Variants in ENTHD1 observed in about 807,000 individuals in gnomAD.
ENTHD1 encodes ENTH domain containing 1.
ENTHD1 carries 23 observed loss-of-function variants against 39.1 expected under a neutral mutation model. That is an observed-to-expected ratio of 0.59 (90% CI 0.42 to 0.83). The LOEUF is 0.83. ENTHD1 is among the 40% of genes least tolerant of loss of function. ENTHD1 has a pLI of 0.00. For synonymous variants in ENTHD1, 230 were observed against 258.2 expected (o/e 0.89, Z 1.05); for missense variants, 624 against 705.4 (o/e 0.88, Z 1.31).
intron 5 of ENTHD1, among the ~76,000 whole-genome samples, chr22:39,796,284 C>G (rs1214158938): frequency 6.6e-6 from 1 of 151,190 alleles, no homozygotes; most frequent in African/African-American, 2.4e-5. Flanking sequence ...TTTCTTTTTC[C>G]TTTTTTGAGA....
intron 1 of ENTHD1, among the ~76,000 whole-genome samples, chr22:39,892,769 T>C (rs573841391): frequency 6.6e-6 from 1 of 152,304 alleles, no homozygotes; most frequent in East Asian, 1.9e-4. Flanking sequence ...GCTCTTGTGT[T>C]TGTACAGGTT....
At chr22:39,751,219 C>A in intron 6 of ENTHD1, 1 of 154,326 alleles carries the variant, frequency 6.5e-6, no homozygotes, top group South Asian at 1.9e-4. Flanking sequence ...TCACATTTCT[C>A]AGTCAGAAGG....
chr22:39,794,857 G>A (rs1478612928), intron 5 of ENTHD1, among the ~76,000 whole-genome samples: 1 of 151,878 alleles, frequency 6.6e-6, no homozygotes, highest in Non-Finnish European at 1.5e-5. Flanking sequence ...TTAGAGGAAA[G>A]GCTTTTATCT....
At chr22:39,765,778 C>G (rs2065271792) in intron 5 of ENTHD1, among the ~76,000 whole-genome samples, 169 bp from the exon 6 acceptor site, 4 of 151,966 alleles carry the variant, frequency 2.6e-5, no homozygotes, top group Non-Finnish European at 4.4e-5. Context: ...ATTTAAAGTA[C>G]ACCCAAGCTA....
chr22:39,855,628 A>T (rs933737302), intron 3 of ENTHD1, among the ~76,000 whole-genome samples: 4 of 151,742 alleles, frequency 2.6e-5, no homozygotes, highest in African/African-American at 9.6e-5. Flanking sequence ...AAGGGAAGAG[A>T]CATTCATATT....
At chr22:39,805,307 A>C (rs1022488985) in intron 5 of ENTHD1, among the ~76,000 whole-genome samples, 51 of 152,282 alleles carry the variant, frequency 3.3e-4, no homozygotes, top group African/African-American at 1.2e-3. Flanking sequence ...AATAGAACGG[A>C]AGTAGGAGTT....
At chr22:39,747,390 T>TG (rs1270983825) in intron 6 of ENTHD1, among the ~76,000 whole-genome samples, 1 of 152,214 alleles carries the variant, frequency 6.6e-6, no homozygotes, top group Non-Finnish European at 1.5e-5. Flanking sequence ...CTAAAAATCT[T>TG]TCCCAAGACC....
chr22:39,784,577 C>T (rs1317258990), intron 5 of ENTHD1, among the ~76,000 whole-genome samples: 1 of 151,538 alleles, frequency 6.6e-6, no homozygotes, highest in Non-Finnish European at 1.5e-5. Context: ...CACACACACA[C>T]ACACACTAGA....
intron 5 of ENTHD1, among the ~76,000 whole-genome samples, chr22:39,778,022 A>G (rs997989931): frequency 2.0e-5 from 3 of 152,234 alleles, no homozygotes; most frequent in African/African-American, 7.2e-5. Flanking sequence ...TCAGGCAATG[A>G]CAATAAAACC....
At position 39,744,158 on chromosome 22, in the gene ENTHD1, G is replaced by C; in HGVS notation, c.1345C>G (p.Leu449Val). The part of the protein sequence containing the change: ...PILAGPSFWT[L>V]SHQQLSSTSF... ...GTAGAAGACAACTGTTGATGGGACAGAGTCCAGAAGGAAGGTCCGGCCAGA... is the reference window on the plus strand; with the variant it reads ...GTAGAAGACAACTGTTGATGGGACACAGTCCAGAAGGAAGGTCCGGCCAGA... Residue 449 changes from leucine (L) to valine (V), a missense_variant, in exon 7 of 7, where the codon CTG (leucine) becomes GTG (valine). By Grantham distance (32) the Leu-to-Val change is conservative. Coordinates refer to ENST00000325157, the MANE Select transcript of ENTHD1 (RefSeq NM_152512.4). 6.2e-7 allele frequency: 1 copy of C among 1,614,146 alleles called. No individual in the cohort carries two copies. Among genetic ancestry groups the C allele is most frequent in the Non-Finnish European group, 8.5e-7 (1 of 1,180,004 alleles).
At position 39,861,754 on chromosome 22, in the gene ENTHD1, A is replaced by G. The variant is rs768144453; in HGVS notation, c.592+11T>C. 4 of 1,491,972 alleles carry G rather than the reference A, an allele frequency of 2.7e-6. No individual in the cohort carries two copies. In the East Asian group the frequency reaches 9.3e-5, roughly 35 times the overall value. The allele number at this position is 1,491,972 out of a possible 1,614,324, so 92.4% of individuals were successfully genotyped here. A position where few individuals can be genotyped will look rare whatever the true frequency, so the allele number is the denominator to read the frequency against. ...CCTGTTGCATTTTAGGCCAATGTTC[A>G]TTATACGTACTTTTATTATGTAACC... On this transcript the variant is annotated intron_variant, in intron 3 of 6. Transcript: ENST00000325157.
At chr22:39,888,984 T>C (rs2146782524) in intron 1 of ENTHD1, among the ~76,000 whole-genome samples, 1 of 152,276 alleles carries the variant, frequency 6.6e-6, no homozygotes, top group Non-Finnish European at 1.5e-5. Flanking sequence ...GAGAATCAGA[T>C]CTAAATATAG....
rs577392801 is a variant in ENTHD1 at position 39,850,211 on chromosome 22, T to C, written c.592+11554A>G. On this transcript the variant is annotated intron_variant, in intron 3 of 6. Coordinates refer to ENST00000325157, the MANE Select transcript of ENTHD1 (RefSeq NM_152512.4). ...GATGGTAGATATTTCAATTTATTCC[T>C]GTAGTTCTACCAACTTTTGCTTTAT... Among the ~76,000 whole-genome samples, 4 of 152,334 alleles carry C rather than the reference T, an allele frequency of 2.6e-5. No homozygotes were observed. In the East Asian group the frequency reaches 7.7e-4, roughly 29 times the overall value.
At chr22:39,778,355 G>A (rs749361195) in intron 5 of ENTHD1, among the ~76,000 whole-genome samples, 1 of 152,164 alleles carries the variant, frequency 6.6e-6, no homozygotes, top group Non-Finnish European at 1.5e-5. Flanking sequence ...TTGAGATCAA[G>A]AGAACTGGTA....
At chr22:39,833,941 C>CAAAA (rs59299623) in intron 4 of ENTHD1, among the ~76,000 whole-genome samples, 1 of 117,934 alleles carries the variant, frequency 8.5e-6, no homozygotes, top group Non-Finnish European at 1.7e-5. Flanking sequence ...TATACTTGGG[C>CAAAA]AAAAAAAAAA....
intron 2 of ENTHD1, among the ~76,000 whole-genome samples, chr22:39,884,546 GA>G (rs1477913245): frequency 6.9e-6 from 1 of 144,606 alleles, no homozygotes; most frequent in Non-Finnish European, 1.5e-5. Flanking sequence ...AAGAGACTCA[GA>G]ATAGAAAAAA....
At chr22:39,825,690 G>A (rs551916853) in intron 4 of ENTHD1, among the ~76,000 whole-genome samples, 2 of 151,702 alleles carry the variant, frequency 1.3e-5, no homozygotes, top group Non-Finnish European at 2.9e-5. Context: ...ATTTGTCAAA[G>A]TTATAAAGTT....
intron 4 of ENTHD1, among the ~76,000 whole-genome samples, chr22:39,821,487 A>G (rs1601617974): frequency 6.6e-6 from 1 of 152,216 alleles, no homozygotes; most frequent in African/African-American, 2.4e-5. Flanking sequence ...TTAACTTTTT[A>G]TCACCAAGTA....
intron 3 of ENTHD1, among the ~76,000 whole-genome samples, chr22:39,857,948 G>T (rs996006024): frequency 7.2e-5 from 11 of 152,182 alleles, no homozygotes; most frequent in Non-Finnish European, 1.2e-4. Context: ...GCTGCTGATA[G>T]ATCAGGGTGG....
Sources: gnomAD v4.1 joint callset for allele counts (sites outside exome capture counted in the v4.1 genomes callset) on GRCh38, gnomAD v4.1.1 for gene constraint, MANE v1.5 for transcripts, NCBI Gene and HGNC (gene_info 2026-07-23, HGNC 2026-07-21) for gene names.